The following HEATR5A variants were observed in gnomAD, a reference collection of about 807,000 sequenced individuals.
The protein encoded by HEATR5A is HEAT repeat-containing protein 5A.
A neutral mutation model predicts 218.8 loss-of-function variants in HEATR5A; 178 were observed. That is an observed-to-expected ratio of 0.81 (90% confidence interval 0.72 to 0.92). HEATR5A has a LOEUF of 0.92. Among genes scored for constraint, HEATR5A ranks in the 40% least tolerant of loss-of-function variants. The probability of loss-of-function intolerance (pLI) is 0.00; values close to 1 mark genes in which losing one functional copy is unlikely to be tolerated. For synonymous variants in HEATR5A, 864 were observed against 871.6 expected, an observed-to-expected ratio of 0.99 and a Z score of 0.15; for missense variants, 2,420 against 2,418.9, an observed-to-expected ratio of 1.00 and a Z score of -0.01.
Position 31,358,795 on chromosome 14 carries a change from A to T in HEATR5A, c.2253T>A (p.Gly751=). ...FIEEQLLLGN[G]VACGSLEYDP... The stretch of plus-strand genomic sequence containing the variant: ...CATATTCAAGACTTCCGCAAGCAAC[A>T]CCATTACCAAGCAGGAGCTAAAAGG... The change falls in exon 16 of 36, where the codon GGT becomes GGA. Residue 751 remains glycine, a synonymous_variant. Coordinates refer to ENST00000543095, the MANE Select transcript of HEATR5A (RefSeq NM_015473.4). The T allele has an allele frequency of 6.2e-7, 1 of 1,613,588 alleles. No individual in the cohort carries two copies. The highest frequency in any genetic ancestry group is 8.5e-7 in the Non-Finnish European group (1 of 1,179,798).
chr14:31,297,931 A>AT (rs1238579956), intron 33 of HEATR5A, among the ~76,000 whole-genome samples: 2 of 152,198 alleles, frequency 1.3e-5, no homozygotes, highest in African/African-American at 4.8e-5. Flanking sequence ...TTAACCACCT[A>AT]TAGCAACTTG....
At chr14:31,343,088 C>CT (rs200758726) in intron 21 of HEATR5A, among the ~76,000 whole-genome samples, 408 of 139,782 alleles carry the variant, frequency 2.9e-3, no homozygotes, top group Admixed American at 3.4e-3. Flanking sequence ...CATGGTAAAT[C>CT]TTTTTTTTTT....
Position 31,294,099 on chromosome 14 carries a change from T to A in HEATR5A, c.5625A>T (p.Gln1875His). ...ATLEIKDPVV[Q>H]IKTYQLLHSI... ...AATGTAGGAGCTGGTAGGTCTTGAT[T>A]TGTACCTAATAAGGTAAGAGAAAAG... is the stretch of plus-strand genomic sequence containing the variant. Residue 1875 changes from glutamine (Q) to histidine (H), a missense_variant, in exon 35 of 36, where the codon CAA (glutamine) becomes CAT (histidine). By Grantham distance (24) the Gln-to-His change is conservative. Coordinates refer to ENST00000543095, the MANE Select transcript of HEATR5A (RefSeq NM_015473.4). 4.4e-6 allele frequency: 7 copies of A among 1,574,154 alleles called. No individual in the cohort carries two copies. Among genetic ancestry groups the A allele is most frequent in the Non-Finnish European group, 5.2e-6 (6 of 1,156,192 alleles).
chr14:31,331,861 T>C (rs1045687954), intron 22 of HEATR5A, among the ~76,000 whole-genome samples: 90 of 152,170 alleles, frequency 5.9e-4, no homozygotes, highest in African/African-American at 2.1e-3. Context: ...CTCACTATCA[T>C]GAGACCACCA....
At chr14:31,374,601 T>G (rs751940195) in intron 12 of HEATR5A, among the ~76,000 whole-genome samples, 2 of 152,146 alleles carry the variant, frequency 1.3e-5, no homozygotes, top group Non-Finnish European at 2.9e-5. Flanking sequence ...TAATAAAACA[T>G]GTATCTTAAG....
Position 31,312,817 on chromosome 14 carries a change from G to A in HEATR5A, c.4441+151C>T, listed in dbSNP as rs1322290593. The A allele has an allele frequency of 1.3e-5, 8 of 629,694 alleles. No homozygotes were observed. In the African/African-American group the frequency reaches 1.5e-4, roughly 12 times the overall value. The allele number at this position is 629,694 out of a possible 1,614,324, so 39.0% of individuals were successfully genotyped here. ...GGAGGCTGAGGTGGGAGGATCGCCT[G>A]AGCCCAGGAGGCAGAGGTTGCAGTG... On this transcript the variant is annotated intron_variant, in intron 28 of 35. Transcript: ENST00000543095.
intron 13 of HEATR5A, among the ~76,000 whole-genome samples, chr14:31,368,372 C>A (rs966188726): frequency 1.3e-5 from 2 of 152,102 alleles, no homozygotes; most frequent in Admixed American, 6.6e-5. Context: ...AATTATCCAG[C>A]CTCAGGTATT....
chr14:31,295,550 T>A (rs1188741951), intron 34 of HEATR5A: 1 of 146,992 alleles, frequency 6.8e-6, no homozygotes, highest in African/African-American at 2.6e-5. Context: ...GTGCCTGGCC[T>A]CCCTTTCTTT....
intron 1 of HEATR5A, among the ~76,000 whole-genome samples, chr14:31,405,392 C>T (rs377229514): frequency 6.6e-6 from 1 of 152,166 alleles, no homozygotes. Flanking sequence ...CAGGATCACA[C>T]CACTGCACTC....
intron 13 of HEATR5A, among the ~76,000 whole-genome samples, chr14:31,370,053 C>T (rs1213599022): frequency 1.3e-5 from 2 of 151,780 alleles, no homozygotes; most frequent in African/African-American, 4.8e-5. Flanking sequence ...GGTGAAACCC[C>T]ATCTCTATTA....
intron 1 of HEATR5A, among the ~76,000 whole-genome samples, chr14:31,410,881 T>G (rs1354059398): frequency 6.6e-6 from 1 of 152,202 alleles, no homozygotes; most frequent in Non-Finnish European, 1.5e-5. Context: ...GATATTATTC[T>G]GTATGACCTT....
In HEATR5A at chr14:31,389,014, A is replaced by G. The variant is rs752674404; in HGVS notation, c.773-9T>C. On this transcript the variant is annotated splice_polypyrimidine_tract_variant and intron_variant, in intron 6 of 35. Coordinates refer to ENST00000543095, the MANE Select transcript of HEATR5A (RefSeq NM_015473.4). ...GCTTTGACGTGAGGCTGCTATGACAAAGAACAAAACTGTGATTCATATTTT... is the reference window on the plus strand; with the variant it reads ...GCTTTGACGTGAGGCTGCTATGACAGAGAACAAAACTGTGATTCATATTTT... The G allele has an allele frequency of 2.0e-5, 32 of 1,596,172 alleles. No homozygotes were observed. Among genetic ancestry groups the G allele is most frequent in the Non-Finnish European group, 2.7e-5 (32 of 1,170,402 alleles).
intron 22 of HEATR5A, among the ~76,000 whole-genome samples, chr14:31,331,746 G>A (rs1232736498): frequency 6.6e-6 from 1 of 152,184 alleles, no homozygotes; most frequent in East Asian, 1.9e-4. Flanking sequence ...CAATCATGGT[G>A]GAAGGGGAAG....
chr14:31,402,149 T>A (rs2030901534), intron 2 of HEATR5A, among the ~76,000 whole-genome samples: 1 of 152,222 alleles, frequency 6.6e-6, no homozygotes, highest in Non-Finnish European at 1.5e-5. Context: ...ATGCTACTAT[T>A]TTAAATTCAT....
intron 22 of HEATR5A, among the ~76,000 whole-genome samples, chr14:31,331,000 G>C (rs534213545): frequency 7.1e-6 from 1 of 141,024 alleles, no homozygotes; most frequent in Non-Finnish European, 1.5e-5. Context: ...GGAGTGCAGT[G>C]GCGCAACCTC....
chr14:31,366,978 A>C (rs1566770255), intron 13 of HEATR5A, among the ~76,000 whole-genome samples: 2 of 152,212 alleles, frequency 1.3e-5, no homozygotes, highest in Non-Finnish European at 2.9e-5. Flanking sequence ...TAAAACATGA[A>C]AAGCATTCCC....
At chr14:31,323,847 GATAT>G (rs57656564) in intron 23 of HEATR5A, 43 bp from the exon 24 acceptor site, 2,109 of 940,126 alleles carry the variant, frequency 2.2e-3, no homozygotes, top group South Asian at 2.8e-3. Context: ...TCAACTGAAA[GATAT>G]ATATATATAT....
chr14:31,368,664 G>A (rs940215261), intron 13 of HEATR5A, among the ~76,000 whole-genome samples: 3 of 151,794 alleles, frequency 2.0e-5, no homozygotes, highest in African/African-American at 7.3e-5. Flanking sequence ...TGTGTAGCTA[G>A]GACTACTAGT....
chr14:31,345,795 G>C (rs1195878071), intron 19 of HEATR5A, among the ~76,000 whole-genome samples: 4 of 152,188 alleles, frequency 2.6e-5, no homozygotes, highest in African/African-American at 9.6e-5. Flanking sequence ...GACAGTATGA[G>C]AAGTGTGTAT....
Sources: gnomAD v4.1 joint callset for allele counts (sites outside exome capture counted in the v4.1 genomes callset) on GRCh38, gnomAD v4.1.1 for gene constraint, MANE v1.5 for transcripts, NCBI Gene and HGNC (gene_info 2026-07-23, HGNC 2026-07-21) for gene names.